STXBP5L: variants seen among roughly 807,000 people sequenced by gnomAD.
STXBP5L encodes the protein syntaxin binding protein 5L.
In STXBP5L, 65 loss-of-function variants were observed where a neutral mutation model predicts 144.5. The ratio of observed to expected loss-of-function variants is 0.45; its 90% confidence interval spans 0.37 to 0.55. The LOEUF (loss-of-function observed/expected upper bound fraction) is 0.55. Ranked by LOEUF, STXBP5L falls within the 20% of genes least tolerant of loss-of-function variation. STXBP5L has a pLI of 0.00. For synonymous variants in STXBP5L, 505 were observed against 469.6 expected, an observed-to-expected ratio of 1.08 and a Z score of -0.97; for missense variants, 1,298 against 1,405.5, an observed-to-expected ratio of 0.92 and a Z score of 1.22.
At chr3:121,123,496 G>T (rs1211738600) in intron 7 of STXBP5L, among the ~76,000 whole-genome samples, 1 of 151,276 alleles carries the variant, frequency 6.6e-6, no homozygotes, top group Non-Finnish European at 1.5e-5. Flanking sequence ...AAGAAAAGTT[G>T]CAGAACAGTA....
At chr3:120,955,435 G>T (rs191662410) in intron 3 of STXBP5L, among the ~76,000 whole-genome samples, 65 of 152,026 alleles carry the variant, frequency 4.3e-4, no homozygotes, top group Non-Finnish European at 8.1e-4. Context: ...CTTACCTGGG[G>T]TTTAATTTGA....
intron 3 of STXBP5L, among the ~76,000 whole-genome samples, chr3:120,965,542 T>G (rs1939459226): frequency 6.6e-6 from 1 of 152,174 alleles, no homozygotes; most frequent in African/African-American, 2.4e-5. Context: ...TGAAGCCTAG[T>G]TTGGCTGGAT....
intron 11 of STXBP5L, among the ~76,000 whole-genome samples, chr3:121,226,462 G>A (rs991235852): frequency 6.6e-6 from 1 of 152,140 alleles, no homozygotes; most frequent in Non-Finnish European, 1.5e-5. Flanking sequence ...CAAAAGAAGA[G>A]ACAACATCAA....
intron 14 of STXBP5L, among the ~76,000 whole-genome samples, chr3:121,241,951 A>G (rs544917335): frequency 2.0e-5 from 3 of 152,306 alleles, no homozygotes; most frequent in South Asian, 4.1e-4. Flanking sequence ...CAGAGTTTTC[A>G]TCAGAAACCC....
At chr3:121,088,982 A>C in intron 5 of STXBP5L, among the ~76,000 whole-genome samples, 1 of 112,432 alleles carries the variant, frequency 8.9e-6, no homozygotes, top group Non-Finnish European at 1.8e-5. Flanking sequence ...TGGGAGATAT[A>C]CCTAATGCTA....
intron 19 of STXBP5L, among the ~76,000 whole-genome samples, 154 bp downstream of exon 19, chr3:121,280,110 A>C (rs904331880): frequency 7.2e-5 from 11 of 151,948 alleles, no homozygotes; most frequent in Non-Finnish European, 8.8e-5. Flanking sequence ...TAAATTGGGC[A>C]GAAACATTGT....
intron 9 of STXBP5L, among the ~76,000 whole-genome samples, chr3:121,169,092 C>A (rs2046609068): frequency 6.6e-6 from 1 of 152,130 alleles, no homozygotes; most frequent in African/African-American, 2.4e-5. Context: ...CCAAACTAAG[C>A]TTCATAAGCA....
intron 9 of STXBP5L, among the ~76,000 whole-genome samples, chr3:121,185,628 G>T (rs866451287): frequency 6.6e-6 from 1 of 152,144 alleles, no homozygotes; most frequent in Non-Finnish European, 1.5e-5. Context: ...TATTATTTCT[G>T]AGGGCTCTGT....
At chr3:121,023,713 T>C (rs1469138613) in intron 3 of STXBP5L, among the ~76,000 whole-genome samples, 1 of 152,188 alleles carries the variant, frequency 6.6e-6, no homozygotes, top group Non-Finnish European at 1.5e-5. Context: ...TCTCTCACTT[T>C]ATACAAAAAT....
Position 120,984,262 on chromosome 3 carries a change from AC to A in STXBP5L, c.287+29226del, listed in dbSNP as rs536083978. 1.4e-4 allele frequency among the ~76,000 whole-genome samples: 22 copies of A among 152,260 alleles called. No individual in the cohort carries two copies. The South Asian group carries it at 4.3e-3, about 30-fold the overall frequency. On this transcript the variant is annotated intron_variant, in intron 3 of 26. Coordinates refer to ENST00000471454, the MANE Select transcript of STXBP5L (RefSeq NM_001308330.2). ...GGATAGGCTGATGGAGCCTAAAATG[AC>A]TTTTTCTTTTACCAGTAATGGCTTC... is the stretch of plus-strand genomic sequence containing the variant.
At chr3:121,033,796 G>T (rs1946556067) in intron 3 of STXBP5L, among the ~76,000 whole-genome samples, 1 of 151,702 alleles carries the variant, frequency 6.6e-6, no homozygotes, top group African/African-American at 2.4e-5. Context: ...TGAGTTTTGT[G>T]AACATTTGTT....
At chr3:121,333,780 T>C (rs1041057475) in intron 20 of STXBP5L, among the ~76,000 whole-genome samples, 6 of 152,088 alleles carry the variant, frequency 3.9e-5, no homozygotes, top group African/African-American at 7.2e-5. Context: ...CTAGAAGAGA[T>C]GGATAAATTT....
At chr3:120,916,187 T>C (rs550915447) in intron 2 of STXBP5L, among the ~76,000 whole-genome samples, 1 of 152,336 alleles carries the variant, frequency 6.6e-6, no homozygotes, top group East Asian at 1.9e-4. Flanking sequence ...TGATGGTTTA[T>C]AGAATTATTT....
At chr3:121,160,323 T>C (rs2046275561) in intron 9 of STXBP5L, among the ~76,000 whole-genome samples, 1 of 152,164 alleles carries the variant, frequency 6.6e-6, no homozygotes, top group Non-Finnish European at 1.5e-5. Flanking sequence ...ATAAAGAGCA[T>C]AGTCCACCTT....
intron 9 of STXBP5L, among the ~76,000 whole-genome samples, chr3:121,164,676 G>A (rs1026264110): frequency 2.0e-5 from 3 of 152,112 alleles, no homozygotes; most frequent in African/African-American, 7.2e-5. Context: ...AGAAACCAAG[G>A]TATTTAAATA....
At chr3:121,350,315 T>A (rs1447164281) in intron 20 of STXBP5L, among the ~76,000 whole-genome samples, 1 of 152,212 alleles carries the variant, frequency 6.6e-6, no homozygotes, top group African/African-American at 2.4e-5. Context: ...GTAGAGTTTG[T>A]GCTGAGAGAT....
chr3:121,045,417 ATCT>A lies in STXBP5L; in HGVS notation c.370-13_370-11del. 1 of 1,591,874 alleles carries A rather than the reference ATCT, an allele frequency of 6.3e-7. No individual in the cohort carries two copies. Among genetic ancestry groups the A allele is most frequent in the Non-Finnish European group, 8.5e-7 (1 of 1,171,912 alleles). On this transcript the variant is annotated splice_polypyrimidine_tract_variant and intron_variant, in intron 4 of 26. Transcript: ENST00000471454. Reference sequence around the variant, plus strand: ...ATTAAGTAAATCACACACTTACTTTATCTTCTTTTTGTTCTAGGGTGCCTTGGT... The same window carrying A: ...ATTAAGTAAATCACACACTTACTTTATCTTTTTGTTCTAGGGTGCCTTGGT...
chr3:121,067,238 C>T (rs547095701), intron 5 of STXBP5L, among the ~76,000 whole-genome samples: 1 of 151,874 alleles, frequency 6.6e-6, no homozygotes, highest in Non-Finnish European at 1.5e-5. Flanking sequence ...CCTTACATAA[C>T]TGATTTCAAT....
chr3:121,182,033 A>T (rs1447985497), intron 9 of STXBP5L, among the ~76,000 whole-genome samples: 2 of 152,072 alleles, frequency 1.3e-5, no homozygotes, highest in African/African-American at 4.8e-5. Flanking sequence ...AACAATTACT[A>T]CTAGACCTAA....
Sources: gnomAD v4.1 joint callset for allele counts (sites outside exome capture counted in the v4.1 genomes callset) on GRCh38, gnomAD v4.1.1 for gene constraint, MANE v1.5 for transcripts, NCBI Gene and HGNC (gene_info 2026-07-23, HGNC 2026-07-21) for gene names.